The following ADGRG6 variants were observed in gnomAD, a reference collection of about 807,000 sequenced individuals.
ADGRG6 encodes G-protein coupled receptor 126.
Under a neutral mutation model 142.4 loss-of-function variants are expected in ADGRG6, and 84 were observed. That is an observed-to-expected ratio of 0.59 (90% CI 0.49 to 0.71). ADGRG6 has a LOEUF of 0.71. Among genes scored for constraint, ADGRG6 ranks in the 30% least tolerant of loss-of-function variants. ADGRG6 has a pLI of 0.00. For missense variants in ADGRG6, 1,367 were observed against 1,466.6 expected (o/e 0.93, Z 1.11); for synonymous variants, 521 against 520.5 (o/e 1.00, Z -0.01).
At chr6:142,352,262 C>T (rs774473744) in intron 2 of ADGRG6, among the ~76,000 whole-genome samples, 9 of 152,206 alleles carry the variant, frequency 5.9e-5, no homozygotes, top group Non-Finnish European at 1.3e-4. Flanking sequence ...GGTCCATGTA[C>T]ACCATGGAAT....
intron 2 of ADGRG6, among the ~76,000 whole-genome samples, chr6:142,341,510 TACTACATA>T: frequency 8.4e-6 from 1 of 118,398 alleles, no homozygotes; most frequent in South Asian, 2.2e-4. Context: ...ATAGTATATA[TACTACATA>T]ATATTATATA....
intron 10 of ADGRG6, among the ~76,000 whole-genome samples, chr6:142,398,524 T>C (rs1775324889): frequency 6.6e-6 from 1 of 152,332 alleles, no homozygotes; most frequent in African/African-American, 2.4e-5. Context: ...AGGGATTCTG[T>C]TGGACCTAAA....
chr6:142,303,354 C>G (rs906540592), intron 1 of ADGRG6, among the ~76,000 whole-genome samples: 1 of 152,170 alleles, frequency 6.6e-6, no homozygotes, highest in Admixed American at 6.6e-5. Flanking sequence ...TCCACACTTT[C>G]CTGCACTTTC....
chr6:142,438,674 T>G (rs995166548), intron 24 of ADGRG6, among the ~76,000 whole-genome samples: 8 of 152,206 alleles, frequency 5.3e-5, no homozygotes, highest in Admixed American at 4.6e-4. Context: ...TTATATATTT[T>G]TAAAATTAAA....
At chr6:142,377,538 C>G (rs1483186192) in intron 4 of ADGRG6, among the ~76,000 whole-genome samples, 1 of 152,244 alleles carries the variant, frequency 6.6e-6, no homozygotes, top group Non-Finnish European at 1.5e-5. Flanking sequence ...TTTTATCTGC[C>G]TAGACATTTG....
At chr6:142,350,066 A>G (rs147449987) in intron 2 of ADGRG6, among the ~76,000 whole-genome samples, 2,133 of 152,372 alleles carry the variant, frequency 0.014, 50 homozygotes, top group African/African-American at 0.048. Context: ...ACTTGATTGC[A>G]TAAGCAAGGT....
intron 2 of ADGRG6, among the ~76,000 whole-genome samples, chr6:142,364,571 T>C (rs531998266): frequency 3.9e-5 from 6 of 152,346 alleles, no homozygotes; most frequent in African/African-American, 1.2e-4. Context: ...TCCAGGACTT[T>C]CCAATATTAA....
chr6:142,370,258 A>G lies in ADGRG6; in HGVS notation c.534A>G (p.Pro178=), dbSNP rs1230775438. 2.5e-6 allele frequency: 4 copies of G among 1,613,544 alleles called. No individual in the cohort carries two copies. In the African/African-American group the frequency reaches 5.3e-5, roughly 22 times the overall value. Reference sequence around the variant, plus strand: ...CTGTTGCAAAAAGCATCTCTATTCCAGAGCTCAGTGCTTTCACACTCTGCT... The same window carrying G: ...CTGTTGCAAAAAGCATCTCTATTCCGGAGCTCAGTGCTTTCACACTCTGCT... ...QVSVAKSISI[P]ELSAFTLCFE... is the part of the protein sequence containing the mutation. Residue 178 remains proline (P), a synonymous_variant, in exon 4 of 25, where the codon CCA becomes CCG. Transcript: ENST00000367609.
At chr6:142,350,511 G>A (rs1173734357) in intron 2 of ADGRG6, among the ~76,000 whole-genome samples, 1 of 152,226 alleles carries the variant, frequency 6.6e-6, no homozygotes, top group Non-Finnish European at 1.5e-5. Flanking sequence ...TGATGCACCT[G>A]TGTGAGGAAG....
At chr6:142,310,751 G>T (rs1029784531) in intron 2 of ADGRG6, among the ~76,000 whole-genome samples, 1 of 151,714 alleles carries the variant, frequency 6.6e-6, no homozygotes, top group African/African-American at 2.4e-5. Context: ...TTTTGTGTGT[G>T]TGTTTGTTAG....
At chr6:142,328,133 C>T (rs552335337) in intron 2 of ADGRG6, among the ~76,000 whole-genome samples, 1 of 152,224 alleles carries the variant, frequency 6.6e-6, no homozygotes, top group African/African-American at 2.4e-5. Flanking sequence ...TGGAGGTAAA[C>T]CTCCAAAGGG....
rs12181639 is a variant in ADGRG6, at chr6:142,424,484, C to T, written c.3319+4380C>T. ...ATGCTGGATTACATTTATTGATTTG[C>T]GTATATTGAACCAGCCTTGCATCCC... On this transcript the variant is annotated intron_variant, in intron 22 of 24. Transcript: ENST00000367609. Among the ~76,000 whole-genome samples, 554 of 142,676 alleles carry T rather than the reference C, an allele frequency of 3.9e-3. 1 individual carries two copies. The highest frequency in any genetic ancestry group is 0.014 in the African/African-American group (524 of 37,808). The allele number at this position is 142,676 out of a possible 152,430, so 93.6% of individuals were successfully genotyped here.
At chr6:142,393,761 A>G in intron 8 of ADGRG6, 135 bp from the exon 9 acceptor site, 1 of 610,018 alleles carries the variant, frequency 1.6e-6, no homozygotes, top group South Asian at 2.2e-5. Context: ...GAAAGAAGCT[A>G]GAACCTCAGG....
chr6:142,313,523 A>T (rs540416896), intron 2 of ADGRG6, among the ~76,000 whole-genome samples: 1 of 152,236 alleles, frequency 6.6e-6, no homozygotes, highest in South Asian at 2.1e-4. Flanking sequence ...ATATCAGCAG[A>T]TCGTTTCAAA....
intron 4 of ADGRG6, among the ~76,000 whole-genome samples, chr6:142,373,877 T>A (rs1023013684): frequency 1.1e-4 from 17 of 147,932 alleles, no homozygotes; most frequent in African/African-American, 4.0e-4. Context: ...TTTCTTTTTC[T>A]TTTCTTTTTT....
At chr6:142,394,101 C>G in intron 9 of ADGRG6, 143 bp downstream of exon 9, 1 of 556,556 alleles carries the variant, frequency 1.8e-6, no homozygotes, top group Non-Finnish European at 3.2e-6. Flanking sequence ...CTGTACACTA[C>G]TTTTTTCTTG....
At chr6:142,343,876 A>AT (rs900606616) in intron 2 of ADGRG6, among the ~76,000 whole-genome samples, 2 of 151,936 alleles carry the variant, frequency 1.3e-5, no homozygotes, top group African/African-American at 4.8e-5. Flanking sequence ...ATTCTCCTGG[A>AT]TTGAAACATT....
At chr6:142,402,386 T>G (rs957616981) in intron 12 of ADGRG6, among the ~76,000 whole-genome samples, 4 of 152,128 alleles carry the variant, frequency 2.6e-5, no homozygotes, top group African/African-American at 9.6e-5. Context: ...CTCTTAGAAC[T>G]TTGTGTGTTC....
intron 2 of ADGRG6, among the ~76,000 whole-genome samples, chr6:142,322,009 T>A (rs1778543011): frequency 6.6e-6 from 1 of 152,168 alleles, no homozygotes; most frequent in Non-Finnish European, 1.5e-5. Flanking sequence ...GTATTTTGGC[T>A]GGAAAATATT....
Sources: gnomAD v4.1 joint callset for allele counts (sites outside exome capture counted in the v4.1 genomes callset) on GRCh38, gnomAD v4.1.1 for gene constraint, MANE v1.5 for transcripts, NCBI Gene and HGNC (gene_info 2026-07-23, HGNC 2026-07-21) for gene names.